Variants in KCNK9 observed in about 807,000 individuals in gnomAD.
KCNK9 encodes the protein potassium two pore domain channel subfamily K member 9.
In KCNK9, 1 loss-of-function variant was observed where a neutral mutation model predicts 10.8. The observed-to-expected ratio is 0.09, with a 90% CI of 0.03 to 0.44. The LOEUF (loss-of-function observed/expected upper bound fraction) is 0.44, where lower values mean the gene tolerates loss of function less well. Among genes scored for constraint, KCNK9 ranks in the 20% least tolerant of loss-of-function variants. The pLI, the probability that KCNK9 is intolerant of heterozygous loss-of-function variation, is 0.97. For synonymous variants in KCNK9, 231 were observed against 222.7 expected (o/e 1.04, Z -0.33); for missense variants, 303 against 515.0 (o/e 0.59, Z 3.98).
intron 1 of KCNK9, among the ~76,000 whole-genome samples, chr8:139,625,752 C>CCAT (rs1248707395): frequency 6.6e-6 from 1 of 151,876 alleles, no homozygotes; most frequent in Non-Finnish European, 1.5e-5. Context: ...TGAATAGGCT[C>CCAT]CATCTTCCCA....
At chr8:139,694,694 C>T (rs1817010549) in intron 1 of KCNK9, among the ~76,000 whole-genome samples, 1 of 152,234 alleles carries the variant, frequency 6.6e-6, no homozygotes, top group South Asian at 2.1e-4. Flanking sequence ...CACCCATCAC[C>T]TGCCACCCCA....
chr8:139,692,253 T>C (rs1816948835), intron 1 of KCNK9, among the ~76,000 whole-genome samples: 1 of 152,218 alleles, frequency 6.6e-6, no homozygotes, highest in South Asian at 2.1e-4. Flanking sequence ...CCTTGTTACC[T>C]GGCTTTTCTG....
At chr8:139,632,409 C>T (rs766048343) in intron 1 of KCNK9, among the ~76,000 whole-genome samples, 3 of 152,164 alleles carry the variant, frequency 2.0e-5, no homozygotes, top group Non-Finnish European at 4.4e-5. Flanking sequence ...GGGCCTCCCG[C>T]GTGGAAGGAT....
intron 1 of KCNK9, among the ~76,000 whole-genome samples, chr8:139,631,368 G>A (rs1815166678): frequency 6.6e-6 from 1 of 152,148 alleles, no homozygotes; most frequent in South Asian, 2.1e-4. Context: ...TACCCTTTGC[G>A]GGGTCAGTGG....
Position 139,663,464 on chromosome 8 carries a change from G to A in KCNK9, c.283+39246C>T, listed in dbSNP as rs111813286. ...CCACCTTAGCCTCAATCCCTGGCGC[G>A]AAAGACAGTGAGGCGAGAGTGACAC... On this transcript the variant is annotated intron_variant, in intron 1 of 1. Coordinates refer to ENST00000520439, the MANE Select transcript of KCNK9 (RefSeq NM_001282534.2). Among the ~76,000 whole-genome samples, 828 of 152,094 alleles carry A rather than the reference G, an allele frequency of 5.4e-3. 13 individuals are homozygous for A. The highest frequency in any genetic ancestry group is 0.019 in the African/African-American group (790 of 41,506).
intron 1 of KCNK9, among the ~76,000 whole-genome samples, chr8:139,658,955 C>A (rs1222688217): frequency 6.6e-6 from 1 of 152,196 alleles, no homozygotes; most frequent in Non-Finnish European, 1.5e-5. Context: ...TTTGCTGAGG[C>A]AGTTGTGGAA....
intron 1 of KCNK9, among the ~76,000 whole-genome samples, chr8:139,691,009 T>C (rs1043246107): frequency 3.3e-5 from 5 of 152,322 alleles, no homozygotes; most frequent in Admixed American, 2.6e-4. Context: ...TGGGCTTATG[T>C]GGCAAGCATG....
intron 1 of KCNK9, among the ~76,000 whole-genome samples, chr8:139,629,478 A>C (rs1284874824): frequency 6.6e-6 from 1 of 152,268 alleles, no homozygotes; most frequent in East Asian, 1.9e-4. Context: ...TAGACGCCTA[A>C]ACAAACGTGG....
intron 1 of KCNK9, among the ~76,000 whole-genome samples, chr8:139,632,187 T>C (rs1476891846): frequency 6.6e-6 from 1 of 152,200 alleles, no homozygotes; most frequent in Non-Finnish European, 1.5e-5. Context: ...CTGGGGCCTC[T>C]GCATTTCTAG....
At chr8:139,652,012 T>G (rs1815880191) in intron 1 of KCNK9, among the ~76,000 whole-genome samples, 1 of 152,134 alleles carries the variant, frequency 6.6e-6, no homozygotes, top group South Asian at 2.1e-4. Flanking sequence ...CCCTTGGCTG[T>G]CTGACATTCT....
intron 1 of KCNK9, among the ~76,000 whole-genome samples, chr8:139,671,044 G>A (rs1816415639): frequency 6.6e-6 from 1 of 152,156 alleles, no homozygotes; most frequent in Admixed American, 6.5e-5. Context: ...CCTCCTATGG[G>A]CTTCCTTCCC....
At chr8:139,698,331 C>G (rs1164447581) in intron 1 of KCNK9, among the ~76,000 whole-genome samples, 1 of 152,180 alleles carries the variant, frequency 6.6e-6, no homozygotes, top group Non-Finnish European at 1.5e-5. Context: ...CCCACTCTGG[C>G]CCAGGAATTG....
At position 139,640,704 on chromosome 8, in the gene KCNK9, T is replaced by G. The variant is rs572818054; in HGVS notation, c.284-21605A>C. ...CTCCTGAAACCTTGGCAGCTCTGAG[T>G]GAAATTCAGGAGGGTCCAAGAACCT... On this transcript the variant is annotated intron_variant, in intron 1 of 1. Coordinates refer to ENST00000520439, the MANE Select transcript of KCNK9 (RefSeq NM_001282534.2). Among the ~76,000 whole-genome samples the G allele has an allele frequency of 1.6e-4, 24 of 152,332 alleles. No homozygotes were observed. The East Asian group carries it at 4.3e-3, about 27-fold the overall frequency.
Position 139,618,498 on chromosome 8 carries a change from A to C in KCNK9, c.885T>G (p.Ser295=). ...RYKADVPDLQ[S]VCSCTCYRSQ... ...AGCGGTAGCAGGTGCAGGAGCACACAGACTGCAGGTCCGGGACGTCCGCCT... is the reference window on the plus strand; with the variant it reads ...AGCGGTAGCAGGTGCAGGAGCACACCGACTGCAGGTCCGGGACGTCCGCCT... Residue 295 remains serine (S), a synonymous_variant, in exon 2 of 2, where the codon TCT becomes TCG. Coordinates refer to ENST00000520439, the MANE Select transcript of KCNK9 (RefSeq NM_001282534.2). This position sits in a 1 kb window ranked among gnomAD's most constrained non-coding sequence, Gnocchi z 7.9. 1 of 1,613,830 alleles carries C rather than the reference A, an allele frequency of 6.2e-7. No individual in the cohort carries two copies. The highest frequency in any genetic ancestry group is 1.1e-5 in the South Asian group (1 of 91,084).
intron 2 of KCNK9, among the ~76,000 whole-genome samples, chr8:139,606,182 A>G (rs1817483458): frequency 1.3e-5 from 2 of 152,200 alleles, no homozygotes; most frequent in African/African-American, 4.8e-5. Context: ...GTCCGGGACC[A>G]ACCATTTCAT....
chr8:139,629,713 G>C (rs927421761), intron 1 of KCNK9, among the ~76,000 whole-genome samples: 1 of 152,106 alleles, frequency 6.6e-6, no homozygotes, highest in Non-Finnish European at 1.5e-5. Flanking sequence ...GGGGCTCTCC[G>C]GGGCTTTGAG....
At chr8:139,666,420 G>A (rs949413191) in intron 1 of KCNK9, among the ~76,000 whole-genome samples, 19 of 152,346 alleles carry the variant, frequency 1.2e-4, no homozygotes, top group Admixed American at 7.2e-4. Context: ...GGAGCCTCTC[G>A]GGTTTAAATG....
At chr8:139,682,736 C>A (rs1404939171) in intron 1 of KCNK9, among the ~76,000 whole-genome samples, 1 of 152,232 alleles carries the variant, frequency 6.6e-6, no homozygotes, top group East Asian at 1.9e-4. Context: ...TGCACATAAG[C>A]ACAGGCCCTG....
intron 1 of KCNK9, among the ~76,000 whole-genome samples, chr8:139,699,632 T>C (rs564062504): frequency 6.6e-6 from 1 of 152,288 alleles, no homozygotes; most frequent in East Asian, 1.9e-4. Flanking sequence ...AATTTGCCCT[T>C]TGCGGGGCCC....
Sources: allele counts gnomAD v4.1 joint callset (sites outside exome capture counted in the v4.1 genomes callset), GRCh38; gene constraint gnomAD v4.1.1; non-coding constraint Gnocchi (gnomAD v3.1); transcripts MANE v1.5; gene names NCBI Gene and HGNC (gene_info 2026-07-23, HGNC 2026-07-21).